The following KCNQ3 variants were observed in gnomAD, a reference collection of about 807,000 sequenced individuals.
The protein encoded by KCNQ3 is potassium voltage-gated channel subfamily Q member 3.
A neutral mutation model predicts 92.5 loss-of-function variants in KCNQ3; 30 were observed. The observed-to-expected ratio is 0.32, with a 90% CI of 0.24 to 0.44. The LOEUF (loss-of-function observed/expected upper bound fraction) is 0.44. Among genes scored for constraint, KCNQ3 ranks in the 20% least tolerant of loss-of-function variants. The probability of loss-of-function intolerance (pLI) is 1.00; values close to 1 mark genes in which losing one functional copy is unlikely to be tolerated. For synonymous variants in KCNQ3, 450 were observed against 468.8 expected, an observed-to-expected ratio of 0.96 and a Z score of 0.52; for missense variants, 913 against 1,140.3, an observed-to-expected ratio of 0.80 and a Z score of 2.87.
intron 9 of KCNQ3, among the ~76,000 whole-genome samples, chr8:132,150,988 A>G (rs1825620968): frequency 6.6e-6 from 1 of 152,238 alleles, no homozygotes; most frequent in Non-Finnish European, 1.5e-5. Flanking sequence ...TGTTGGTTAT[A>G]AAAAATAATT....
intron 1 of KCNQ3, among the ~76,000 whole-genome samples, chr8:132,356,059 G>A (rs1298417768): frequency 2.6e-5 from 4 of 152,192 alleles, no homozygotes; most frequent in African/African-American, 7.2e-5. Flanking sequence ...CTACTTCTCT[G>A]AGCCTCAGTT....
At chr8:132,354,946 G>C (rs925238471) in intron 1 of KCNQ3, among the ~76,000 whole-genome samples, 34 of 152,142 alleles carry the variant, frequency 2.2e-4, no homozygotes, top group Non-Finnish European at 4.0e-4. Context: ...AGCCTTCCTA[G>C]ATCATCACCC....
intron 1 of KCNQ3, among the ~76,000 whole-genome samples, chr8:132,310,383 A>G (rs1817558851): frequency 6.6e-6 from 1 of 152,170 alleles, no homozygotes; most frequent in Non-Finnish European, 1.5e-5. Flanking sequence ...GAATCTATTG[A>G]CCACAGCTTC....
At chr8:132,385,552 A>T (rs1253303724) in intron 1 of KCNQ3, among the ~76,000 whole-genome samples, 1 of 152,146 alleles carries the variant, frequency 6.6e-6, no homozygotes, top group Admixed American at 6.5e-5. Context: ...TCATCTTGAG[A>T]GTGGGCTTGT....
intron 1 of KCNQ3, among the ~76,000 whole-genome samples, chr8:132,227,296 A>T (rs1814461642): frequency 6.6e-6 from 1 of 151,944 alleles, no homozygotes; most frequent in South Asian, 2.1e-4. Context: ...TCCTGATCTC[A>T]TGATCTTCCC....
At chr8:132,217,625 G>A (rs1162398877) in intron 1 of KCNQ3, among the ~76,000 whole-genome samples, 1 of 150,726 alleles carries the variant, frequency 6.6e-6, no homozygotes, top group Non-Finnish European at 1.5e-5. Context: ...GCAGGAGAAT[G>A]GTGTGAACCT....
intron 9 of KCNQ3, among the ~76,000 whole-genome samples, chr8:132,149,557 A>T (rs941701469): frequency 1.3e-5 from 2 of 152,136 alleles, no homozygotes; most frequent in African/African-American, 4.8e-5. Context: ...CAAAACCTTT[A>T]ACTTTTGCTT....
At chr8:132,344,161 T>G (rs1489758035) in intron 1 of KCNQ3, among the ~76,000 whole-genome samples, 2 of 152,208 alleles carry the variant, frequency 1.3e-5, no homozygotes, top group African/African-American at 4.8e-5. Context: ...GGTGATCTCA[T>G]CTGATTATAT....
intron 1 of KCNQ3, among the ~76,000 whole-genome samples, chr8:132,296,658 T>C (rs1013963666): frequency 3.9e-5 from 6 of 152,096 alleles, no homozygotes; most frequent in South Asian, 2.1e-4. Context: ...TTTGTCCTTG[T>C]GATAGTTTGC....
chr8:132,329,096 T>C (rs1043108675), intron 1 of KCNQ3, among the ~76,000 whole-genome samples: 3 of 152,156 alleles, frequency 2.0e-5, no homozygotes, highest in Non-Finnish European at 2.9e-5. Flanking sequence ...ATTGCCCTTA[T>C]GGAATTTCTC....
intron 1 of KCNQ3, among the ~76,000 whole-genome samples, chr8:132,229,035 C>G (rs972937984): frequency 6.6e-6 from 1 of 152,146 alleles, no homozygotes. Context: ...GCAGATGGAT[C>G]ACGAGGTCAA....
rs145957735 is a variant in KCNQ3 at position 132,451,761 on chromosome 8, G to A, written c.386+28386C>T. Among the ~76,000 whole-genome samples, 1,111 of 152,246 alleles carry A rather than the reference G, an allele frequency of 7.3e-3. 11 individuals are homozygous for A. Among genetic ancestry groups the A allele is most frequent in the Middle Eastern group, 0.02 (6 of 294 alleles). On this transcript the variant is annotated intron_variant, in intron 1 of 14. Coordinates refer to ENST00000388996, the MANE Select transcript of KCNQ3 (RefSeq NM_004519.4). ...ATAACTGTTGCAAATATTCACCCAC[G>A]ACATTTTCTCCATTTAACTGATGAG... is the stretch of plus-strand genomic sequence containing the variant.
At chr8:132,388,410 T>C (rs1260380360) in intron 1 of KCNQ3, among the ~76,000 whole-genome samples, 1 of 152,144 alleles carries the variant, frequency 6.6e-6, no homozygotes. Context: ...TTATTCTAGT[T>C]AAAAAGTAAA....
At chr8:132,453,260 T>C (rs1019091364) in intron 1 of KCNQ3, among the ~76,000 whole-genome samples, 2 of 152,094 alleles carry the variant, frequency 1.3e-5, no homozygotes, top group South Asian at 4.2e-4. Context: ...CGGCGGGTAC[T>C]AGTCTAAGGT....
At chr8:132,215,385 A>G (rs1813995380) in intron 1 of KCNQ3, among the ~76,000 whole-genome samples, 1 of 152,244 alleles carries the variant, frequency 6.6e-6, no homozygotes, top group African/African-American at 2.4e-5. Flanking sequence ...AGTTAACCAC[A>G]GGGACAACAG....
rs28699185 is a variant in KCNQ3 at position 132,189,774 on chromosome 8, C to T, written c.387-3593G>A. 6.8e-3 allele frequency among the ~76,000 whole-genome samples: 1,025 copies of T among 150,200 alleles called. 7 individuals are homozygous for T. The highest frequency in any genetic ancestry group is 0.024 in the Middle Eastern group (7 of 292). On this transcript the variant is annotated intron_variant, in intron 1 of 14. Transcript: ENST00000388996. ...CCGGGAGGCGGAGGTTGCGGTGAGC[C>T]GAGATCATGCCACTGCACTCCAACC...
At chr8:132,349,466 C>T (rs12115116) in intron 1 of KCNQ3, among the ~76,000 whole-genome samples, 36,541 of 152,174 alleles carry the variant, frequency 0.24, 4,900 homozygotes, top group African/African-American at 0.37. Context: ...GGTGACTCAT[C>T]ACTGACAAAG....
intron 1 of KCNQ3, among the ~76,000 whole-genome samples, chr8:132,418,315 G>C (rs970951259): frequency 6.6e-6 from 1 of 152,178 alleles, no homozygotes; most frequent in Admixed American, 6.5e-5. Flanking sequence ...AAACATCCGT[G>C]GCTCTGTGTG....
rs749511015 is a variant in KCNQ3 at position 132,123,291 on chromosome 8, G to T, written c.*5971C>A. On this transcript the variant is annotated 3_prime_UTR_variant, in exon 15 of 15. Coordinates refer to ENST00000388996, the MANE Select transcript of KCNQ3 (RefSeq NM_004519.4). ...AGGAACAAGGTAGGAGAGGGCAGAGGGGTGGAGGGCAGAGAGGTGGAGGGG... is the reference window on the plus strand; with the variant it reads ...AGGAACAAGGTAGGAGAGGGCAGAGTGGTGGAGGGCAGAGAGGTGGAGGGG... The T allele has an allele frequency of 2.6e-4, 39 of 152,700 alleles. No homozygotes were observed. The highest frequency in any genetic ancestry group is 4.8e-4 in the Non-Finnish European group (33 of 68,276). The allele number at this position is 152,700 out of a possible 1,614,324, so 9.5% of individuals were successfully genotyped here.
Sources: allele counts gnomAD v4.1 joint callset (sites outside exome capture counted in the v4.1 genomes callset), GRCh38; gene constraint gnomAD v4.1.1; transcripts MANE v1.5; gene names NCBI Gene and HGNC (gene_info 2026-07-23, HGNC 2026-07-21).